The following WDR76 variants were observed in gnomAD, a reference collection of about 807,000 sequenced individuals.
The protein encoded by WDR76 is WD repeat-containing protein 76.
WDR76 carries 52 observed loss-of-function variants against 70.2 expected under a neutral mutation model. The observed-to-expected ratio is 0.74, with a 90% CI of 0.59 to 0.93. WDR76 has a LOEUF of 0.93. Among genes scored for constraint, WDR76 ranks in the 40% least tolerant of loss-of-function variants. The probability of loss-of-function intolerance (pLI) is 0.00; values close to 1 mark genes in which losing one functional copy is unlikely to be tolerated. For synonymous variants in WDR76, 292 were observed against 271.1 expected, an observed-to-expected ratio of 1.08 and a Z score of -0.76; for missense variants, 756 against 760.2, an observed-to-expected ratio of 0.99 and a Z score of 0.07.
intron 12 of WDR76, chr15:43,864,094 G>A (rs1244562092): frequency 1.3e-5 from 2 of 152,124 alleles, no homozygotes; most frequent in Non-Finnish European, 2.9e-5. Flanking sequence ...AATGTCTCCA[G>A]GTTCATCCAC....
rs566794218 is a variant in WDR76, at chr15:43,868,097, C to A, written c.*1705C>A. The A allele has an allele frequency of 6.6e-6, 1 of 152,164 alleles. No homozygotes were observed. Among genetic ancestry groups the A allele is most frequent in the Admixed American group, 6.5e-5 (1 of 15,274 alleles). The allele number at this position is 152,164 out of a possible 1,614,324, so 9.4% of individuals were successfully genotyped here. On this transcript the variant is annotated 3_prime_UTR_variant, in exon 13 of 13. Transcript: ENST00000263795. ...TTAGGTGTTTATAAGCAATAGTTCT[C>A]TATTTTCTAGTTGATATAAGTAGAA...
intron 2 of WDR76, among the ~76,000 whole-genome samples, chr15:43,833,560 C>T (rs1449617875): frequency 6.6e-6 from 1 of 151,720 alleles, no homozygotes; most frequent in East Asian, 1.9e-4. Context: ...ACCTTGTGAT[C>T]TGCCTGCCTC....
chr15:43,831,192 C>CT (rs2087583728), intron 2 of WDR76, among the ~76,000 whole-genome samples: 2 of 152,006 alleles, frequency 1.3e-5, no homozygotes, highest in Admixed American at 6.5e-5. Flanking sequence ...GATCAGGCCA[C>CT]TGCACTCCAG....
In WDR76 at chr15:43,866,623, T is replaced by A. The variant is rs1290743000; in HGVS notation, c.*231T>A. ...GGGGAGGCTGAGGTGCCGTCAGGACTTTTTTTTTTTTTTTTTTTTTGAGAT... is the reference window on the plus strand; with the variant it reads ...GGGGAGGCTGAGGTGCCGTCAGGACATTTTTTTTTTTTTTTTTTTTGAGAT... On this transcript the variant is annotated 3_prime_UTR_variant, in exon 13 of 13. Coordinates refer to ENST00000263795, the MANE Select transcript of WDR76 (RefSeq NM_024908.4). 1.7e-3 allele frequency: 2 copies of A among 1,172 alleles called. No homozygotes were observed. The highest frequency in any genetic ancestry group is 4.1e-3 in the Non-Finnish European group (2 of 486). The allele number at this position is 1,172 out of a possible 1,614,324, so 0.1% of individuals were successfully genotyped here. A position where few individuals can be genotyped will look rare whatever the true frequency, so the allele number is the denominator to read the frequency against.
rs932663843 is a variant in WDR76, at chr15:43,867,737, T to G, written c.*1345T>G. ...ATTCTTACTTGTATTTGGGGGAATA[T>G]TATGAAATACTCACCACTTTTGGTA... is the stretch of plus-strand genomic sequence containing the variant. On this transcript the variant is annotated 3_prime_UTR_variant, in exon 13 of 13. Coordinates refer to ENST00000263795, the MANE Select transcript of WDR76 (RefSeq NM_024908.4). The G allele has an allele frequency of 6.6e-6, 1 of 152,154 alleles. No homozygotes were observed. Among genetic ancestry groups the G allele is most frequent in the Non-Finnish European group, 1.5e-5 (1 of 68,024 alleles). The allele number at this position is 152,154 out of a possible 1,614,324, so 9.4% of individuals were successfully genotyped here.
chr15:43,855,343 G>A (rs1455869236), intron 9 of WDR76, among the ~76,000 whole-genome samples: 1 of 152,150 alleles, frequency 6.6e-6, no homozygotes, highest in Non-Finnish European at 1.5e-5. Flanking sequence ...AGGTTTATGA[G>A]GTTGCTCAAG....
At chr15:43,860,634 C>G (rs2140312976) in intron 11 of WDR76, among the ~76,000 whole-genome samples, 1 of 152,104 alleles carries the variant, frequency 6.6e-6, no homozygotes, top group Non-Finnish European at 1.5e-5. Context: ...TCCCAAGTAG[C>G]TGGGTCTAGA....
chr15:43,835,850 T>TTG (rs990831089), intron 3 of WDR76, among the ~76,000 whole-genome samples: 2 of 152,032 alleles, frequency 1.3e-5, no homozygotes, highest in Admixed American at 1.3e-4. Flanking sequence ...AGGAATGGGG[T>TTG]TTCACCATGT....
chr15:43,847,832 C>T (rs552998090), intron 8 of WDR76, among the ~76,000 whole-genome samples: 1 of 152,294 alleles, frequency 6.6e-6, no homozygotes, highest in East Asian at 1.9e-4. Flanking sequence ...GCTGCGATTA[C>T]AGGCGTGAGC....
At chr15:43,840,246 G>A (rs1217670984) in intron 5 of WDR76, among the ~76,000 whole-genome samples, 1 of 151,998 alleles carries the variant, frequency 6.6e-6, no homozygotes, top group African/African-American at 2.4e-5. Flanking sequence ...GCTTAGGATT[G>A]TGGGTGAGTT....
Position 43,861,317 on chromosome 15 carries a change from T to C in WDR76, c.1563-16T>C. 1 of 1,609,176 alleles carries C rather than the reference T, an allele frequency of 6.2e-7. No individual in the cohort carries two copies. Among genetic ancestry groups the C allele is most frequent in the Non-Finnish European group, 8.5e-7 (1 of 1,175,736 alleles). On this transcript the variant is annotated splice_polypyrimidine_tract_variant and intron_variant, in intron 11 of 12. Coordinates refer to ENST00000263795, the MANE Select transcript of WDR76 (RefSeq NM_024908.4). The stretch of plus-strand genomic sequence containing the variant: ...TTTAAGTAACAAAAGAATGTCTTAC[T>C]CTCTTTATTTTGCAGAATTTTTGAC...
rs1347134819 is a variant in WDR76 at position 43,828,154 on chromosome 15, A to G, written c.250A>G (p.Thr84Ala). The change falls in exon 2 of 13, where the codon ACT (threonine) becomes GCT (alanine). Residue 84 changes from threonine to alanine, a missense_variant. By Grantham distance (58) the Thr-to-Ala change is moderately conservative (BLOSUM62 0). Transcript: ENST00000263795. Reference protein sequence around the residue: ...NSNNEVACKKTKIKKTCRRII... With the variant: ...NSNNEVACKKAKIKKTCRRII... ...TAACAATGAAGTGGCGTGTAAGAAG[A>G]CTAAAATAAAGAAAACTTGCAGAAG... The G allele has an allele frequency of 1.2e-6, 2 of 1,614,014 alleles. No homozygotes were observed. The highest frequency in any genetic ancestry group is 1.7e-6 in the Non-Finnish European group (2 of 1,180,028).
At chr15:43,849,108 G>A (rs963809910) in intron 8 of WDR76, among the ~76,000 whole-genome samples, 2 of 150,900 alleles carry the variant, frequency 1.3e-5, no homozygotes, top group East Asian at 3.9e-4. Context: ...CTGGGAGGTG[G>A]AGGTTGCAGT....
intron 8 of WDR76, among the ~76,000 whole-genome samples, chr15:43,846,250 T>C (rs563758077): frequency 1.4e-5 from 2 of 146,866 alleles, no homozygotes; most frequent in South Asian, 4.3e-4. Context: ...ATGGGGGTAA[T>C]GAAAGAACTG....
intron 7 of WDR76, among the ~76,000 whole-genome samples, chr15:43,843,134 C>T (rs967750271): frequency 2.6e-5 from 4 of 151,696 alleles, no homozygotes; most frequent in African/African-American, 9.7e-5. Context: ...AATGATCCTC[C>T]CACCTCAGCC....
Position 43,828,106 on chromosome 15 carries a change from A to C in WDR76, c.202A>C (p.Lys68Gln), listed in dbSNP as rs1225027328. The change falls in exon 2 of 13, where the codon AAA becomes CAA. Residue 68 changes from lysine (K) to glutamine (Q), a missense_variant. Physicochemically the swap from Lys to Gln is moderately conservative, Grantham distance 53 (BLOSUM62 1). Transcript: ENST00000263795. ...NYQLDQLMCP[K>Q]SLSEKNSNNE... ...CCAGCTAGACCAGCTTATGTGCCCCAAATCCCTATCAGAAAAGAATTCTAA... is the reference window on the plus strand; with the variant it reads ...CCAGCTAGACCAGCTTATGTGCCCCCAATCCCTATCAGAAAAGAATTCTAA... The C allele has an allele frequency of 2.5e-6, 4 of 1,614,198 alleles. No individual in the cohort carries two copies. Among genetic ancestry groups the C allele is most frequent in the Non-Finnish European group, 3.4e-6 (4 of 1,180,042 alleles).
intron 10 of WDR76, among the ~76,000 whole-genome samples, chr15:43,857,961 CTTTTTTTTTTTT>C (rs397854561): frequency 5.2e-5 from 5 of 95,536 alleles, no homozygotes; most frequent in African/African-American, 1.7e-4. Context: ...AGGGTTCTGT[CTTTTTTTTTTTT>C]TTTTTTTTTG....
chr15:43,863,680 C>G (rs1025395035), intron 12 of WDR76, among the ~76,000 whole-genome samples: 7 of 152,146 alleles, frequency 4.6e-5, no homozygotes, highest in Non-Finnish European at 1.0e-4. Context: ...TTGCCTCAGC[C>G]TCCCAAGTAG....
In WDR76 at chr15:43,866,386, C is replaced by G. The variant is rs2088071290; in HGVS notation, c.1875C>G (p.Ser625Arg). 2.5e-6 allele frequency: 4 copies of G among 1,613,420 alleles called. No individual in the cohort carries two copies. Among genetic ancestry groups the G allele is most frequent in the Non-Finnish European group, 3.4e-6 (4 of 1,179,534 alleles). ...GKIHVFMNEK[S>R]C ...TACATGTTTTTATGAATGAAAAAAG[C>G]TGCTGAGTTTTTGGTTTAGGAACAT... The change falls in exon 13 of 13, where the codon AGC (serine) becomes AGG (arginine). Residue 625 changes from serine to arginine, a missense_variant. Coordinates refer to ENST00000263795, the MANE Select transcript of WDR76 (RefSeq NM_024908.4).
Sources: allele counts gnomAD v4.1 joint callset (sites outside exome capture counted in the v4.1 genomes callset), GRCh38; gene constraint gnomAD v4.1.1; transcripts MANE v1.5; gene names NCBI Gene and HGNC (gene_info 2026-07-23, HGNC 2026-07-21).